HTR4: variants seen among roughly 807,000 people sequenced by gnomAD.
The protein encoded by HTR4 is 5-hydroxytryptamine receptor 4.
Under a neutral mutation model 36.8 loss-of-function variants are expected in HTR4, and 16 were observed. The observed-to-expected ratio is 0.43, with a 90% confidence interval of 0.29 to 0.66. HTR4 has a LOEUF of 0.66. HTR4 is among the 30% of genes least tolerant of loss of function. HTR4 has a pLI of 0.13. For missense variants in HTR4, 438 were observed against 490.9 expected (o/e 0.89, Z 1.02); for synonymous variants, 189 against 185.1 (o/e 1.02, Z -0.17).
intron 2 of HTR4, among the ~76,000 whole-genome samples, chr5:148,574,263 C>T (rs1228490324): frequency 6.6e-6 from 1 of 152,040 alleles, no homozygotes. Context: ...CAGCTACAGA[C>T]AGGACAGCAA....
chr5:148,623,040 T>A (rs974646321), intron 2 of HTR4, among the ~76,000 whole-genome samples: 3 of 151,670 alleles, frequency 2.0e-5, no homozygotes, highest in African/African-American at 4.9e-5. Context: ...GAGTTGTAAA[T>A]GTGAATGAGA....
At chr5:148,507,803 T>C (rs1561585143) in intron 6 of HTR4, among the ~76,000 whole-genome samples, 3 of 152,174 alleles carry the variant, frequency 2.0e-5, no homozygotes, top group Admixed American at 1.3e-4. Context: ...GCAAATGTAT[T>C]ACCAGAGCAT....
chr5:148,535,600 T>G (rs920396512), intron 4 of HTR4, among the ~76,000 whole-genome samples: 1 of 152,136 alleles, frequency 6.6e-6, no homozygotes, highest in Non-Finnish European at 1.5e-5. Context: ...ATTCAGAAAT[T>G]TAACAGCAGA....
At chr5:148,589,485 A>G (rs1279540018) in intron 2 of HTR4, among the ~76,000 whole-genome samples, 1 of 152,000 alleles carries the variant, frequency 6.6e-6, no homozygotes, top group Non-Finnish European at 1.5e-5. Context: ...CATTTATTGT[A>G]TTGACCACTC....
chr5:148,510,074 GA>G (rs1561587285), intron 5 of HTR4, 50 bp from the exon 6 acceptor site: 2 of 1,200,818 alleles, frequency 1.7e-6, no homozygotes, highest in Admixed American at 2.6e-5. Context: ...AAAAAGGAAA[GA>G]AAAAGTGAAA....
chr5:148,489,548 G>A (rs1756318533), intron 6 of HTR4, among the ~76,000 whole-genome samples: 1 of 152,190 alleles, frequency 6.6e-6, no homozygotes, highest in African/African-American at 2.4e-5. Context: ...AGAAAGTGGG[G>A]CAGGAAAGTT....
chr5:148,489,462 T>C (rs1364120566), intron 6 of HTR4, among the ~76,000 whole-genome samples: 1 of 152,096 alleles, frequency 6.6e-6, no homozygotes, highest in Non-Finnish European at 1.5e-5. Context: ...ACATAAAGAA[T>C]ACTTAAGATA....
At position 148,617,993 on chromosome 5, in the gene HTR4, C is replaced by A. The variant is rs561989903; in HGVS notation, c.26+18996G>T. Among the ~76,000 whole-genome samples the A allele has an allele frequency of 3.9e-5, 6 of 152,322 alleles. No homozygotes were observed. The East Asian group carries it at 9.7e-4, about 25-fold the overall frequency. ...TCCCACTGTCTCTCAGCAATTCCCT[C>A]TTCGGCAACAGCTTCATTCCTGGGC... is the stretch of plus-strand genomic sequence containing the variant. On this transcript the variant is annotated intron_variant, in intron 2 of 6. Transcript: ENST00000377888.
In HTR4 at chr5:148,587,430, A is replaced by T. The variant is rs75231314; in HGVS notation, c.27-37168T>A. Among the ~76,000 whole-genome samples the T allele has an allele frequency of 8.7e-3, 1,330 of 152,162 alleles. 20 individuals are homozygous for T. The highest frequency in any genetic ancestry group is 0.03 in the African/African-American group (1,233 of 41,510). On this transcript the variant is annotated intron_variant, in intron 2 of 6. Transcript: ENST00000377888. ...CAAAGTGGTCTGGCACAGAGCAAGG[A>T]TGCTTTGAAGTACTTGGGCGGAGGG...
intron 5 of HTR4, among the ~76,000 whole-genome samples, chr5:148,513,098 C>A (rs1171385934): frequency 6.6e-6 from 1 of 152,030 alleles, no homozygotes; most frequent in Non-Finnish European, 1.5e-5. Context: ...TAGCAATTCT[C>A]CCACCTCAGC....
chr5:148,622,779 G>T (rs1752960764), intron 2 of HTR4, among the ~76,000 whole-genome samples: 1 of 152,080 alleles, frequency 6.6e-6, no homozygotes, highest in Non-Finnish European at 1.5e-5. Flanking sequence ...ATTTTTTGAA[G>T]GACTATATAA....
intron 2 of HTR4, among the ~76,000 whole-genome samples, chr5:148,563,245 C>T (rs919188498): frequency 1.3e-5 from 2 of 152,180 alleles, no homozygotes; most frequent in Non-Finnish European, 2.9e-5. Flanking sequence ...ATGCATCCAC[C>T]TCCACCATCC....
chr5:148,548,952 A>G (rs1032899716), intron 3 of HTR4, 84 bp from the exon 4 acceptor site: 7 of 899,256 alleles, frequency 7.8e-6, no homozygotes, highest in Admixed American at 4.3e-5. Flanking sequence ...GAGAAAAAAC[A>G]GGGAAAAGGG....
intron 5 of HTR4, among the ~76,000 whole-genome samples, chr5:148,451,920 C>T (rs1754984076): frequency 6.6e-6 from 1 of 152,180 alleles, no homozygotes; most frequent in Non-Finnish European, 1.5e-5. Flanking sequence ...GTCTCATCAT[C>T]AGTTACCCAG....
chr5:148,560,082 C>A (rs929522952), intron 2 of HTR4, among the ~76,000 whole-genome samples: 1 of 151,672 alleles, frequency 6.6e-6, no homozygotes, highest in Non-Finnish European at 1.5e-5. Flanking sequence ...GAAATCCTTT[C>A]TGAGGAAGAA....
chr5:148,482,570 T>A lies in HTR4; in HGVS notation c.*633A>T, dbSNP rs997643772. The stretch of plus-strand genomic sequence containing the variant: ...TGAAGAGGAGGACAGACATTGGACA[T>A]AAGGAAGAGCAAGTGGACGTCTGGG... On this transcript the variant is annotated 3_prime_UTR_variant, in exon 7 of 7. Coordinates refer to ENST00000377888, the MANE Select transcript of HTR4 (RefSeq NM_000870.7). 2.0e-6 allele frequency: 2 copies of A among 986,196 alleles called. No homozygotes were observed. The highest frequency in any genetic ancestry group is 1.1e-4 in the East Asian group (1 of 8,820). The allele number at this position is 986,196 out of a possible 1,614,324, so 61.1% of individuals were successfully genotyped here.
At chr5:148,470,861 G>A (rs1755550752) in intron 5 of HTR4, among the ~76,000 whole-genome samples, 1 of 151,990 alleles carries the variant, frequency 6.6e-6, no homozygotes, top group African/African-American at 2.4e-5. Flanking sequence ...GCTAATTTTT[G>A]TATTTTTAGT....
At chr5:148,647,602 A>C (rs1398149004) in intron 1 of HTR4, among the ~76,000 whole-genome samples, 1 of 152,098 alleles carries the variant, frequency 6.6e-6, no homozygotes, top group Non-Finnish European at 1.5e-5. Flanking sequence ...TAATCCCAGC[A>C]CTTTGGGAGG....
At chr5:148,499,387 G>A (rs1267532512) in intron 6 of HTR4, among the ~76,000 whole-genome samples, 1 of 152,064 alleles carries the variant, frequency 6.6e-6, no homozygotes, top group East Asian at 1.9e-4. Flanking sequence ...GAAAATGAAG[G>A]TATGCCTATA....
Sources: gnomAD v4.1 joint callset for allele counts (sites outside exome capture counted in the v4.1 genomes callset) on GRCh38, gnomAD v4.1.1 for gene constraint, MANE v1.5 for transcripts, NCBI Gene and HGNC (gene_info 2026-07-23, HGNC 2026-07-21) for gene names.